HPSE2: variants seen among roughly 807,000 people sequenced by gnomAD.
HPSE2 encodes the protein inactive heparanase-2.
HPSE2 carries 38 observed loss-of-function variants against 60.5 expected under a neutral mutation model. That is an observed-to-expected ratio of 0.63 (90% confidence interval 0.48 to 0.82). The LOEUF (loss-of-function observed/expected upper bound fraction) is 0.82, where lower values mean the gene tolerates loss of function less well. HPSE2 is among the 40% of genes least tolerant of loss of function. HPSE2 has a pLI of 0.00. For missense variants in HPSE2, 713 were observed against 740.4 expected (o/e 0.96, Z 0.43); for synonymous variants, 295 against 293.2 (o/e 1.01, Z -0.06).
chr10:98,658,940 A>T (rs1262430554), intron 6 of HPSE2, among the ~76,000 whole-genome samples: 2 of 151,700 alleles, frequency 1.3e-5, no homozygotes, highest in Non-Finnish European at 2.9e-5. Flanking sequence ...ATTGAGATAA[A>T]ACCCACATAA....
At chr10:98,644,832 C>T (rs1946726245) in intron 6 of HPSE2, among the ~76,000 whole-genome samples, 1 of 152,194 alleles carries the variant, frequency 6.6e-6, no homozygotes, top group Non-Finnish European at 1.5e-5. Context: ...GCAGTTTAGC[C>T]TATTCTTGTC....
intron 9 of HPSE2, among the ~76,000 whole-genome samples, chr10:98,603,417 C>T (rs563955111): frequency 3.4e-5 from 5 of 144,952 alleles, no homozygotes; most frequent in South Asian, 4.5e-4. Flanking sequence ...TTTTGAAATA[C>T]GCCAGAGCAC....
chr10:99,039,061 T>C (rs1485535076), intron 3 of HPSE2, among the ~76,000 whole-genome samples: 1 of 152,132 alleles, frequency 6.6e-6, no homozygotes, highest in East Asian at 1.9e-4. Flanking sequence ...GTATCAGCTG[T>C]AGTTTACTAG....
chr10:99,255,487 T>G, the HPSE2 span, among the ~76,000 whole-genome samples: 1 of 152,062 alleles, frequency 6.6e-6, no homozygotes, highest in Non-Finnish European at 1.5e-5. Context: ...AATATAAGGT[T>G]GTTTTAACAT....
rs779720749 is a variant in HPSE2, at chr10:98,852,113, A to ATATATATGTGTGTG, written c.611-108058_611-108057insCACACACATATATA. Among the ~76,000 whole-genome samples, 612 of 91,794 alleles carry ATATATATGTGTGTG rather than the reference A, an allele frequency of 6.7e-3. 6 individuals are homozygous for ATATATATGTGTGTG. The highest frequency in any genetic ancestry group is 0.038 in the Middle Eastern group (6 of 156). 60.2% of individuals were successfully genotyped at this position (91,794 alleles called of 152,430 possible). A position where few individuals can be genotyped will look rare whatever the true frequency, so the allele number is the denominator to read the frequency against. ...GGTTTTGCAAACCTTGTATATTATG[A>ATATATATGTGTGTG]TGTGTGTGTGTGTGTGTGTGTGTGT... On this transcript the variant is annotated intron_variant, in intron 3 of 11. Coordinates refer to ENST00000370552, the MANE Select transcript of HPSE2 (RefSeq NM_021828.5).
At chr10:98,781,555 C>T (rs1427727125) in intron 3 of HPSE2, among the ~76,000 whole-genome samples, 7 of 151,982 alleles carry the variant, frequency 4.6e-5, no homozygotes, top group South Asian at 2.1e-4. Context: ...TGGCAAAAGA[C>T]GTAAGCAAGT....
chr10:99,130,267 A>C (rs1184612034), intron 3 of HPSE2, among the ~76,000 whole-genome samples: 1 of 152,168 alleles, frequency 6.6e-6, no homozygotes, highest in African/African-American at 2.4e-5. Flanking sequence ...TCCCTTCCTT[A>C]ATCATTCTAT....
At chr10:99,118,617 G>A (rs946543544) in intron 3 of HPSE2, among the ~76,000 whole-genome samples, 62 of 151,454 alleles carry the variant, frequency 4.1e-4, no homozygotes, top group African/African-American at 1.4e-3. Flanking sequence ...AAAGCTGGAA[G>A]CACTACCCTT....
In HPSE2 at chr10:98,649,925, C is replaced by G. The variant is rs546294524; in HGVS notation, c.1005-7985G>C. 3.3e-5 allele frequency among the ~76,000 whole-genome samples: 5 copies of G among 152,304 alleles called. No homozygotes were observed. The South Asian group carries it at 1.0e-3, about 32-fold the overall frequency. ...CCTGAGGTGAACTTCAGATCCCATT[C>G]ACCTGAGCTTGCTCCTGGGGACAGG... On this transcript the variant is annotated intron_variant, in intron 6 of 11. Coordinates refer to ENST00000370552, the MANE Select transcript of HPSE2 (RefSeq NM_021828.5).
chr10:98,904,610 A>G (rs897925198), intron 3 of HPSE2, among the ~76,000 whole-genome samples: 5 of 152,216 alleles, frequency 3.3e-5, no homozygotes, highest in African/African-American at 7.2e-5. Context: ...GGACCTAAGC[A>G]TCTACATACA....
intron 9 of HPSE2, among the ~76,000 whole-genome samples, chr10:98,555,610 C>T (rs542472146): frequency 2.0e-5 from 3 of 152,296 alleles, no homozygotes; most frequent in Non-Finnish European, 2.9e-5. Context: ...TGATTCTATA[C>T]TTAACTATTC....
rs375474342 is a variant in HPSE2 at position 98,927,098 on chromosome 10, A to G, written c.611-183042T>C. On this transcript the variant is annotated intron_variant, in intron 3 of 11. Coordinates refer to ENST00000370552, the MANE Select transcript of HPSE2 (RefSeq NM_021828.5). ...TATATTCTGTTGATTTGGGGTGGAG[A>G]GCTCTGTAGATGTCTATTAGGTCTG... is the stretch of plus-strand genomic sequence containing the variant. Among the ~76,000 whole-genome samples, 460 of 145,512 alleles carry G rather than the reference A, an allele frequency of 3.2e-3. 1 individual carries two copies. Among genetic ancestry groups the G allele is most frequent in the African/African-American group, 0.012 (442 of 36,468 alleles).
intron 3 of HPSE2, among the ~76,000 whole-genome samples, chr10:98,843,339 T>G (rs1429537878): frequency 6.6e-6 from 1 of 152,180 alleles, no homozygotes; most frequent in Non-Finnish European, 1.5e-5. Context: ...GTTAATAGTT[T>G]AAATAAGTTA....
chr10:98,898,026 G>A (rs568912114), intron 3 of HPSE2, among the ~76,000 whole-genome samples: 10 of 152,112 alleles, frequency 6.6e-5, no homozygotes, highest in Admixed American at 3.3e-4. Flanking sequence ...CAATTAAAAC[G>A]TAAGCAAAAG....
chr10:98,801,213 C>A (rs1456196371), intron 3 of HPSE2, among the ~76,000 whole-genome samples: 2 of 152,088 alleles, frequency 1.3e-5, no homozygotes, highest in East Asian at 3.8e-4. Context: ...CATGCCTCAA[C>A]ACATAAAAGC....
intron 9 of HPSE2, among the ~76,000 whole-genome samples, chr10:98,599,392 C>T (rs1212003892): frequency 6.6e-6 from 1 of 152,108 alleles, no homozygotes; most frequent in Non-Finnish European, 1.5e-5. Context: ...TGGGGCTGGC[C>T]TGACCTGGCC....
Position 98,843,681 on chromosome 10 carries a change from A to G in HPSE2, c.611-99625T>C, listed in dbSNP as rs1403820716. Among the ~76,000 whole-genome samples, 6 of 152,196 alleles carry G rather than the reference A, an allele frequency of 3.9e-5. No homozygotes were observed. In the East Asian group the frequency reaches 1.2e-3, roughly 29 times the overall value. ...GAAAGTAGACATAACATCACCTCTC[A>G]TGAAAAAACCAGCATTTTACAACAA... On this transcript the variant is annotated intron_variant, in intron 3 of 11. Coordinates refer to ENST00000370552, the MANE Select transcript of HPSE2 (RefSeq NM_021828.5).
intron 3 of HPSE2, among the ~76,000 whole-genome samples, chr10:99,017,912 T>C (rs1251925347): frequency 6.6e-6 from 1 of 152,200 alleles, no homozygotes; most frequent in African/African-American, 2.4e-5. Flanking sequence ...TGACATGATA[T>C]GGAAGGAAGC....
At position 99,206,637 on chromosome 10, in the gene HPSE2, G is replaced by A. The variant is rs568639206; in HGVS notation, c.448+25711C>T. Among the ~76,000 whole-genome samples the A allele has an allele frequency of 7.9e-5, 12 of 151,444 alleles. No homozygotes were observed. The East Asian group carries it at 2.1e-3, about 27-fold the overall frequency. ...ACTCCTAACCCCCATGTTGTTCCAG[G>A]GTCAATGGTAAAAAGAAACAAATGA... On this transcript the variant is annotated intron_variant, in intron 2 of 11. Coordinates refer to ENST00000370552, the MANE Select transcript of HPSE2 (RefSeq NM_021828.5).
Sources: gnomAD v4.1 joint callset for allele counts (sites outside exome capture counted in the v4.1 genomes callset) on GRCh38, gnomAD v4.1.1 for gene constraint, MANE v1.5 for transcripts, NCBI Gene and HGNC (gene_info 2026-07-23, HGNC 2026-07-21) for gene names.